ZNF248: variants seen among roughly 807,000 people sequenced by gnomAD.
ZNF248 encodes the protein zinc finger protein 248, also known as KRAB protein domain.
ZNF248 carries 20 observed loss-of-function variants against 44.3 expected under a neutral mutation model. That is an observed-to-expected ratio of 0.45 (90% confidence interval 0.32 to 0.66). The LOEUF is 0.66. Ranked by LOEUF, ZNF248 falls within the 30% of genes least tolerant of loss-of-function variation. The pLI is 0.04. For missense variants in ZNF248, 654 were observed against 677.0 expected (o/e 0.97, Z 0.38); for synonymous variants, 224 against 229.0 (o/e 0.98, Z 0.20).
chr10:37,807,842 A>T (rs2050809534), intron 6 of ZNF248, among the ~76,000 whole-genome samples: 1 of 152,222 alleles, frequency 6.6e-6, no homozygotes, highest in Admixed American at 6.5e-5. Flanking sequence ...AAGAACAAAA[A>T]AAATTACTTC....
chr10:37,844,129 T>C (rs1027585160), intron 3 of ZNF248, among the ~76,000 whole-genome samples: 13 of 152,140 alleles, frequency 8.5e-5, no homozygotes. Context: ...ATTATCAAAC[T>C]ATCAAAAGCC....
intron 6 of ZNF248, among the ~76,000 whole-genome samples, chr10:37,812,645 G>A (rs141873602): frequency 1.4e-3 from 220 of 152,178 alleles, no homozygotes; most frequent in Admixed American, 3.9e-3. Flanking sequence ...TATTGAGCAT[G>A]CCCCCGGCCA....
intron 6 of ZNF248, among the ~76,000 whole-genome samples, chr10:37,789,800 G>A (rs1036787476): frequency 3.9e-5 from 6 of 152,162 alleles, no homozygotes. Flanking sequence ...ATAGGGGAAG[G>A]AGTTATATAT....
chr10:37,820,271 T>TG (rs2053242992), intron 6 of ZNF248: 1 of 1,378,978 alleles, frequency 7.3e-7, no homozygotes, highest in African/African-American at 1.4e-5. Context: ...AGAAATGCTC[T>TG]GTGTTGCCAG....
Position 37,805,354 on chromosome 10 carries a change from A to G in ZNF248, c.330+27671T>C, listed in dbSNP as rs376859048. On this transcript the variant is annotated intron_variant, in intron 6 of 6. Transcript: ENST00000615949. Reference sequence around the variant, plus strand: ...TATCTGAATGCTAGTACTAATGAAAAGAAACTGGGGATAGCCATATTAATT... The same window carrying G: ...TATCTGAATGCTAGTACTAATGAAAGGAAACTGGGGATAGCCATATTAATT... Among the ~76,000 whole-genome samples the G allele has an allele frequency of 1.8e-4, 28 of 152,340 alleles. 1 individual carries two copies. Among genetic ancestry groups the G allele is most frequent in the East Asian group, 1.5e-3 (8 of 5,186 alleles).
chr10:37,810,721 A>G (rs771147833), intron 6 of ZNF248, among the ~76,000 whole-genome samples: 13 of 152,248 alleles, frequency 8.5e-5, no homozygotes, highest in Non-Finnish European at 1.6e-4. Context: ...CAAATTTCCT[A>G]TAAAAAGCTA....
intron 6 of ZNF248, chr10:37,819,939 A>G: frequency 1.3e-6 from 1 of 770,294 alleles, no homozygotes; most frequent in Admixed American, 1.7e-5. Flanking sequence ...ACGAGGCCCC[A>G]TGTCGGACAG....
At chr10:37,843,435 A>AG (rs1169467607) in intron 3 of ZNF248, among the ~76,000 whole-genome samples, 11 of 151,446 alleles carry the variant, frequency 7.3e-5, no homozygotes, top group Non-Finnish European at 4.4e-5. Context: ...AAAAAAAAAA[A>AG]AAAAGAAAAA....
intron 6 of ZNF248, among the ~76,000 whole-genome samples, chr10:37,778,787 A>T (rs1267892308): frequency 6.6e-6 from 1 of 152,160 alleles, no homozygotes; most frequent in Non-Finnish European, 1.5e-5. Context: ...AAAGAAAAAA[A>T]GAGAGAAGAA....
At chr10:37,770,098 A>C in the ZNF248 span, among the ~76,000 whole-genome samples, 2 of 152,214 alleles carry the variant, frequency 1.3e-5, no homozygotes, top group Non-Finnish European at 2.9e-5. Context: ...GGAGAACTAC[A>C]AACCACTGCT....
chr10:37,856,783 C>T, intron 1 of ZNF248: 1 of 939,846 alleles, frequency 1.1e-6, no homozygotes, highest in Non-Finnish European at 1.3e-6. Context: ...CTAACAATTC[C>T]TCAAAAGGAT....
At chr10:37,853,091 G>A (rs1170970853) in intron 3 of ZNF248, among the ~76,000 whole-genome samples, 5 of 151,732 alleles carry the variant, frequency 3.3e-5, no homozygotes, top group East Asian at 1.9e-4. Flanking sequence ...TGATCTGCCC[G>A]CCTTGGCCTC....
intron 3 of ZNF248, among the ~76,000 whole-genome samples, chr10:37,846,757 G>T (rs1054559803): frequency 3.3e-4 from 50 of 152,118 alleles, no homozygotes; most frequent in African/African-American, 1.2e-3. Context: ...CATCAATCAG[G>T]ATTAAGTTCA....
intron 6 of ZNF248, among the ~76,000 whole-genome samples, chr10:37,789,266 A>C (rs1433992378): frequency 6.6e-6 from 1 of 151,244 alleles, no homozygotes; most frequent in East Asian, 2.0e-4. Flanking sequence ...CAGTGGATGA[A>C]TGTTAAGTTA....
At chr10:37,778,848 C>T (rs549805257) in intron 6 of ZNF248, among the ~76,000 whole-genome samples, 157 of 152,280 alleles carry the variant, frequency 1.0e-3, no homozygotes, top group Non-Finnish European at 1.2e-3. Context: ...ACTGATCCCA[C>T]AGAAATACAA....
the ZNF248 span, among the ~76,000 whole-genome samples, chr10:37,768,188 C>A: frequency 6.6e-6 from 1 of 152,166 alleles, no homozygotes. Flanking sequence ...GAGACTTTAA[C>A]ACCCCACTGA....
At chr10:37,821,076 G>C in intron 6 of ZNF248, 1 of 745,024 alleles carries the variant, frequency 1.3e-6, no homozygotes, top group South Asian at 1.6e-5. Context: ...TCACTGAGAA[G>C]TAGGTCTACA....
intron 6 of ZNF248, among the ~76,000 whole-genome samples, chr10:37,798,643 A>C (rs75233662): frequency 0.02 from 3,016 of 152,264 alleles, 95 homozygotes; most frequent in African/African-American, 0.068. Flanking sequence ...AAGGGGTAAA[A>C]ATATATATTA....
chr10:37,832,863 C>A lies in ZNF248; in HGVS notation c.492G>T (p.Lys164Asn). Residue 164 changes from lysine (K) to asparagine (N), a missense_variant, in exon 6 of 6, where the codon AAG becomes AAT. Coordinates refer to ENST00000395867, the MANE Select transcript of ZNF248 (RefSeq NM_021045.3). The stretch of plus-strand genomic sequence containing the variant: ...TCTCACATACATTAAACTCATCAGG[C>A]TTCTTTCTGGAACAGTTCTTTTTAC... ...IISKKNCSRK[K>N]PDEFNVCEKL... The A allele has an allele frequency of 6.2e-7, 1 of 1,613,822 alleles. No homozygotes were observed. Among genetic ancestry groups the A allele is most frequent in the Non-Finnish European group, 8.5e-7 (1 of 1,179,820 alleles).
Sources: gnomAD v4.1 joint callset for allele counts (sites outside exome capture counted in the v4.1 genomes callset) on GRCh38, gnomAD v4.1.1 for gene constraint, MANE v1.5 for transcripts, NCBI Gene and HGNC (gene_info 2026-07-23, HGNC 2026-07-21) for gene names.